The following NNMT variants were observed in gnomAD, a reference collection of about 807,000 sequenced individuals.
NNMT encodes nicotinamide N-methyltransferase.
A neutral mutation model predicts 11.7 loss-of-function variants in NNMT; 10 were observed. The ratio of observed to expected loss-of-function variants is 0.85; its 90% CI spans 0.53 to 1.45. NNMT has a LOEUF of 1.45. NNMT is among the 40% of genes most tolerant of loss of function. NNMT has a pLI of 0.00. For missense variants in NNMT, 381 were observed against 319.4 expected (o/e 1.19, Z -1.47); for synonymous variants, 143 against 133.8 (o/e 1.07, Z -0.48).
intron 2 of NNMT, 106 bp downstream of exon 2, chr11:114,298,264 G>A: frequency 1.1e-6 from 1 of 928,058 alleles, no homozygotes; most frequent in Non-Finnish European, 1.7e-6. Flanking sequence ...TGGAGAATGA[G>A]TGGTAACGAG....
chr11:114,269,238 G>C (rs1404059483), intron 2 of NNMT, among the ~76,000 whole-genome samples: 1 of 152,144 alleles, frequency 6.6e-6, no homozygotes, highest in Admixed American at 6.5e-5. Context: ...TGCAGTGAAG[G>C]CTTTCTCTTC....
At chr11:114,282,098 C>A (rs1256906415) in intron 2 of NNMT, among the ~76,000 whole-genome samples, 1 of 152,102 alleles carries the variant, frequency 6.6e-6, no homozygotes, top group Non-Finnish European at 1.5e-5. Context: ...GTGGCATGCA[C>A]CTGAAGTCCC....
chr11:114,302,882 T>C (rs1945451390), intron 2 of NNMT, among the ~76,000 whole-genome samples: 2 of 152,152 alleles, frequency 1.3e-5, no homozygotes, highest in Admixed American at 1.3e-4. Flanking sequence ...TAGAGCTCTC[T>C]AGCTCTCCTT....
At chr11:114,262,899 A>G (rs1945094501) in exon 2 of NNMT, 1 of 152,260 alleles carries the variant, frequency 6.6e-6, no homozygotes, top group Non-Finnish European at 1.5e-5. Flanking sequence ...GGAGGGAAAG[A>G]GGAAGTGCAT....
intron 2 of NNMT, among the ~76,000 whole-genome samples, chr11:114,310,519 T>A (rs1438801037): frequency 6.6e-6 from 1 of 152,254 alleles, no homozygotes; most frequent in African/African-American, 2.4e-5. Flanking sequence ...TCGAATCAAG[T>A]TTTATTTAAA....
intron 2 of NNMT, among the ~76,000 whole-genome samples, chr11:114,307,568 T>A (rs1448016660): frequency 6.6e-6 from 1 of 152,162 alleles, no homozygotes; most frequent in Non-Finnish European, 1.5e-5. Context: ...AATGTAAATC[T>A]GATCATGTCA....
chr11:114,263,261 C>A lies in NNMT; in HGVS notation c.-130+327C>A, dbSNP rs560186579. 3.9e-5 allele frequency among the ~76,000 whole-genome samples: 6 copies of A among 152,190 alleles called. No homozygotes were observed. In the South Asian group the frequency reaches 8.3e-4, roughly 21 times the overall value. The stretch of plus-strand genomic sequence containing the variant: ...CAAGCACCAATGAAACTGAGTACCC[C>A]CCCTGTTTCTAAGAGAAAAAAAGTT... On this transcript the variant is annotated intron_variant, in intron 2 of 4. Transcript: ENST00000535401.
chr11:114,281,720 G>A (rs1311453044), intron 2 of NNMT, among the ~76,000 whole-genome samples: 1 of 152,166 alleles, frequency 6.6e-6, no homozygotes, highest in Non-Finnish European at 1.5e-5. Flanking sequence ...TCTTCAGCCA[G>A]TTGAAAGGGC....
intron 2 of NNMT, among the ~76,000 whole-genome samples, chr11:114,270,992 G>T (rs766773707): frequency 6.6e-6 from 1 of 152,020 alleles, no homozygotes; most frequent in Non-Finnish European, 1.5e-5. Flanking sequence ...GGCCAGGCTG[G>T]TCTTTAACTC....
intron 2 of NNMT, among the ~76,000 whole-genome samples, chr11:114,263,536 C>T (rs1352292227): frequency 6.6e-6 from 1 of 152,150 alleles, no homozygotes; most frequent in East Asian, 1.9e-4. Flanking sequence ...TCTTTCCCAC[C>T]TGAAGAGTAT....
At position 114,296,485 on chromosome 11, in the gene NNMT, G is replaced by T; in HGVS notation, c.-72G>T. 1 of 1,533,284 alleles carries T rather than the reference G, an allele frequency of 6.5e-7. No homozygotes were observed. The highest frequency in any genetic ancestry group is 8.9e-7 in the Non-Finnish European group (1 of 1,128,786). 95.0% of individuals were successfully genotyped at this position (1,533,284 alleles called of 1,614,324 possible). A position where few individuals can be genotyped will look rare whatever the true frequency, so the allele number is the denominator to read the frequency against. ...CCTGAGACTCAGGAAGACAACTTCTGCAGGGTCACTCCCTGGCTTCTGGAG... is the reference window on the plus strand; with the variant it reads ...CCTGAGACTCAGGAAGACAACTTCTTCAGGGTCACTCCCTGGCTTCTGGAG... On this transcript the variant is annotated 5_prime_UTR_variant, in exon 1 of 3. Transcript: ENST00000299964.
chr11:114,274,298 G>A (rs1019256096), intron 2 of NNMT, among the ~76,000 whole-genome samples: 1 of 152,236 alleles, frequency 6.6e-6, no homozygotes, highest in African/African-American at 2.4e-5. Flanking sequence ...TGGGCTGATA[G>A]GAAAGTGACT....
intron 1 of NNMT, among the ~76,000 whole-genome samples, chr11:114,259,500 A>T (rs1791608): frequency 2.6e-5 from 4 of 151,962 alleles, no homozygotes; most frequent in Non-Finnish European, 4.4e-5. Flanking sequence ...GCTGGGCAGG[A>T]TGCGGGGCAG....
In NNMT at chr11:114,285,091, T is replaced by G. The variant is rs1945288715; in HGVS notation, c.-129-11337T>G. ...TCTTTTCTCCCATCACGCTTCTTCTTCCTTTAGCCAAGAAGCTTGCCACCT... is the reference window on the plus strand; with the variant it reads ...TCTTTTCTCCCATCACGCTTCTTCTGCCTTTAGCCAAGAAGCTTGCCACCT... On this transcript the variant is annotated intron_variant, in intron 2 of 4. Transcript: ENST00000535401. Among the ~76,000 whole-genome samples, 4 of 152,048 alleles carry G rather than the reference T, an allele frequency of 2.6e-5. No individual in the cohort carries two copies. In the South Asian group the frequency reaches 8.3e-4, roughly 32 times the overall value.
intron 2 of NNMT, among the ~76,000 whole-genome samples, chr11:114,265,467 T>C (rs960280496): frequency 1.3e-5 from 2 of 152,200 alleles, no homozygotes; most frequent in Non-Finnish European, 2.9e-5. Context: ...TTGATGCTTT[T>C]ACTTTGTCTA....
At chr11:114,262,461 T>G (rs957966353) in intron 1 of NNMT, among the ~76,000 whole-genome samples, 1 of 152,084 alleles carries the variant, frequency 6.6e-6, no homozygotes, top group Non-Finnish European at 1.5e-5. Flanking sequence ...CGGTGTTTGG[T>G]TTTTTGTCGA....
At chr11:114,272,634 G>A (rs978582782) in intron 2 of NNMT, among the ~76,000 whole-genome samples, 5 of 152,124 alleles carry the variant, frequency 3.3e-5, no homozygotes, top group Non-Finnish European at 5.9e-5. Context: ...GTGAAGCTGC[G>A]AAGGCATCAG....
intron 2 of NNMT, among the ~76,000 whole-genome samples, chr11:114,284,442 G>GT (rs1306834092): frequency 3.9e-5 from 6 of 152,110 alleles, no homozygotes; most frequent in Non-Finnish European, 5.9e-5. Context: ...CCCCAACATG[G>GT]TTTTTTTTGT....
chr11:114,262,840 C>G (rs1346128190), intron 1 of NNMT: 1 of 152,214 alleles, frequency 6.6e-6, no homozygotes, highest in African/African-American at 2.4e-5. Context: ...CCCCTCCACG[C>G]CGACCAGTGT....
Sources: allele counts gnomAD v4.1 joint callset (sites outside exome capture counted in the v4.1 genomes callset), GRCh38; gene constraint gnomAD v4.1.1; transcripts MANE v1.5; gene names NCBI Gene and HGNC (gene_info 2026-07-23, HGNC 2026-07-21).